The following SRMS variants were observed in gnomAD, a reference collection of about 807,000 sequenced individuals.
SRMS encodes the protein tyrosine-protein kinase Srms.
SRMS carries 42 observed loss-of-function variants against 43.5 expected under a neutral mutation model. That is an observed-to-expected ratio of 0.97 (90% CI 0.75 to 1.25). The LOEUF is 1.25. SRMS is among the 50% of genes most tolerant of loss of function. SRMS has a pLI of 0.00. For synonymous variants in SRMS, 316 were observed against 308.2 expected (o/e 1.03, Z -0.27); for missense variants, 703 against 681.0 (o/e 1.03, Z -0.36).
Position 63,538,751 on chromosome 20 carries a change from C to T in SRMS, c.*2067G>A, listed in dbSNP as rs537002884. 5.3e-5 allele frequency among the ~76,000 whole-genome samples: 8 copies of T among 151,928 alleles called. 1 individual carries two copies. In the South Asian group the frequency reaches 6.3e-4, roughly 12 times the overall value. On this transcript the variant is annotated 3_prime_UTR_variant, in exon 8 of 8. Coordinates refer to ENST00000217188, the MANE Select transcript of SRMS (RefSeq NM_080823.4). ...GGTGGGGAATGCGGAAGGAGGGTGC[C>T]GGGGCACCTGGCCGGGCAGCGTCCC... is the stretch of plus-strand genomic sequence containing the variant.
intron 2 of SRMS, among the ~76,000 whole-genome samples, chr20:63,543,902 GATGA>G (rs1166136789): frequency 2.0e-5 from 3 of 152,192 alleles, no homozygotes; most frequent in Non-Finnish European, 4.4e-5. Context: ...TGAATGAGTG[GATGA>G]ATGGATGAAT....
At chr20:63,542,801 C>A (rs2082712012) in intron 3 of SRMS, among the ~76,000 whole-genome samples, 1 of 152,180 alleles carries the variant, frequency 6.6e-6, no homozygotes. Context: ...TTTGCCCCAG[C>A]CGGATATCCG....
rs2082692967 is a variant in SRMS at position 63,539,844 on chromosome 20, C to T, written c.*974G>A. 6.6e-6 allele frequency among the ~76,000 whole-genome samples: 1 copy of T among 152,204 alleles called. No homozygotes were observed. The highest frequency in any genetic ancestry group is 2.1e-4 in the South Asian group (1 of 4,832). On this transcript the variant is annotated 3_prime_UTR_variant, in exon 8 of 8. Coordinates refer to ENST00000217188, the MANE Select transcript of SRMS (RefSeq NM_080823.4). ...CAGAAGACTCCAAATCCCCCACGGC[C>T]CACCCTGAGGCCCCTGGAAATAGCC...
chr20:63,542,675 CT>C (rs2082711650), intron 3 of SRMS, 94 bp from the exon 4 acceptor site: 4 of 1,419,484 alleles, frequency 2.8e-6, no homozygotes, highest in Non-Finnish European at 3.7e-6. Context: ...GCGGGCACCC[CT>C]GTCCCCAGCA....
intron 1 of SRMS, among the ~76,000 whole-genome samples, chr20:63,545,810 A>T (rs759610850): frequency 1.8e-4 from 27 of 151,944 alleles, no homozygotes; most frequent in Admixed American, 2.0e-4. Flanking sequence ...TGGCAGGGAG[A>T]CGCAACCCTC....
In SRMS at chr20:63,542,323, T is replaced by C. The variant is rs1171577994; in HGVS notation, c.788-2A>G. On this transcript the variant is annotated splice_acceptor_variant, in intron 4 of 7. Coordinates refer to ENST00000217188, the MANE Select transcript of SRMS (RefSeq NM_080823.4). LOFTEE classifies it high-confidence loss of function. ...CGAGGTCAGTGAGCTTCATGTTGGC[T>C]GCGAGAGAGGGTGTGGCTCCAGGAC... is the stretch of plus-strand genomic sequence containing the variant. 1.2e-6 allele frequency: 2 copies of C among 1,606,980 alleles called. No homozygotes were observed. The highest frequency in any genetic ancestry group is 2.2e-5 in the South Asian group (2 of 90,874).
rs2082699636 is a variant in SRMS at position 63,540,899 on chromosome 20, G to A, written c.1386C>T (p.Cys462=). 1.2e-6 allele frequency: 2 copies of A among 1,606,110 alleles called. No homozygotes were observed. Among genetic ancestry groups the A allele is most frequent in the South Asian group, 1.1e-5 (1 of 91,008 alleles). The change falls in exon 8 of 8, where the codon TGC becomes TGT. Residue 462 remains cysteine (C), a synonymous_variant. Coordinates refer to ENST00000217188, the MANE Select transcript of SRMS (RefSeq NM_080823.4). ...GCCGTTCCTCGGGGCTGCTCCTCCA[G>A]CACTCCAGCATGAGCACGTAGACCT... ...PAEVYVLMLE[C]WRSSPEERPS... is the part of the protein sequence containing the mutation.
At position 63,539,663 on chromosome 20, in the gene SRMS, TG is replaced by T. The variant is rs1210809146; in HGVS notation, c.*1154del. ...AGCAGAAGCTTCCCTGAGCCAGACG[TG>T]GGGAGACGAGGGCGGACCCTGCACA... On this transcript the variant is annotated 3_prime_UTR_variant, in exon 8 of 8. Transcript: ENST00000217188. Among the ~76,000 whole-genome samples the T allele has an allele frequency of 5.9e-5, 9 of 152,124 alleles. No homozygotes were observed. The highest frequency in any genetic ancestry group is 1.5e-5 in the Non-Finnish European group (1 of 68,020).
chr20:63,540,713 C>G lies in SRMS; in HGVS notation c.*105G>C. On this transcript the variant is annotated 3_prime_UTR_variant, in exon 8 of 8. Coordinates refer to ENST00000217188, the MANE Select transcript of SRMS (RefSeq NM_080823.4). ...GCACGCCAGGGCCTGAGGCCCACAGCCAGAGGCTCCTCGGTCCGGCAGACC... is the reference window on the plus strand; with the variant it reads ...GCACGCCAGGGCCTGAGGCCCACAGGCAGAGGCTCCTCGGTCCGGCAGACC... 7.0e-7 allele frequency: 1 copy of G among 1,426,862 alleles called. No individual in the cohort carries two copies. The highest frequency in any genetic ancestry group is 9.4e-7 in the Non-Finnish European group (1 of 1,068,882). 88.4% of individuals were successfully genotyped at this position (1,426,862 alleles called of 1,614,324 possible). A position where few individuals can be genotyped will look rare whatever the true frequency, so the allele number is the denominator to read the frequency against.
Position 63,541,331 on chromosome 20 carries a change from G to C in SRMS, c.1145C>G (p.Pro382Arg). The change falls in exon 7 of 8, where the codon CCG (proline) becomes CGG (arginine). Residue 382 changes from proline to arginine, a missense_variant. Transcript: ENST00000217188. ...ARLLKDDIYS[P>R]SSSSKIPVKW... is the part of the protein sequence containing the mutation. ...GACCGGGATCTTGGAGCTGCTGCTC[G>C]GGGAGTAGATGTCGTCCTGGGGGCG... is the stretch of plus-strand genomic sequence containing the variant. The C allele has an allele frequency of 6.5e-7, 1 of 1,542,054 alleles. No homozygotes were observed. The highest frequency in any genetic ancestry group is 8.7e-7 in the Non-Finnish European group (1 of 1,146,506).
intron 7 of SRMS, 26 bp from the exon 8 acceptor site, chr20:63,541,025 C>G: frequency 6.2e-7 from 1 of 1,607,116 alleles, no homozygotes; most frequent in Non-Finnish European, 8.5e-7. Flanking sequence ...CAAGAGCTGC[C>G]TCGATTCTGC....
At chr20:63,541,759 A>G (rs2082705264) in intron 5 of SRMS, 139 bp from the exon 6 acceptor site, 7 of 1,128,446 alleles carry the variant, frequency 6.2e-6, no homozygotes, top group African/African-American at 1.6e-5. Context: ...GGCTAAGGCC[A>G]CGGGAAGCCC....
rs781202463 is a variant in SRMS at position 63,542,581 on chromosome 20, T to C, written c.646A>G (p.Lys216Glu). The C allele has an allele frequency of 5.6e-6, 9 of 1,597,614 alleles. No homozygotes were observed. Among genetic ancestry groups the C allele is most frequent in the Admixed American group, 1.7e-5 (1 of 59,596 alleles). Residue 216 changes from lysine to glutamate, a missense_variant and splice_region_variant, in exon 4 of 8, where the codon AAG (lysine) becomes GAG (glutamate). Lys to Glu is a moderately conservative substitution (Grantham distance 56). Transcript: ENST00000217188. ...TCCCACACGTCCTGCCTCGGGGCCT[T>C]CTGCAGGGAGGGTGGGCAGGGAGGC... ...NPLLQPCMPQ[K>E]APRQDVWERP... is the part of the protein sequence containing the mutation.
In SRMS at chr20:63,540,853, C is replaced by T; in HGVS notation, c.1432G>A (p.Glu478Lys). The part of the protein sequence containing the change: ...EERPSFATLR[E>K]KLHAIHRCHP ...CATCTGTGGATGGCGTGCAGCTTCT[C>T]CCGCAGCGTGGCGAAGGAGGGCCGT... is the stretch of plus-strand genomic sequence containing the variant. The change falls in exon 8 of 8, where the codon GAG becomes AAG. Residue 478 changes from glutamate to lysine, a missense_variant. Physicochemically the swap from Glu to Lys is moderately conservative, Grantham distance 56. Transcript: ENST00000217188. The T allele has an allele frequency of 8.7e-6, 14 of 1,605,500 alleles. 1 individual carries two copies. The highest frequency in any genetic ancestry group is 4.4e-5 in the South Asian group (4 of 91,008).
At chr20:63,546,875 C>A (rs12624390) in intron 1 of SRMS, among the ~76,000 whole-genome samples, 1 of 152,250 alleles carries the variant, frequency 6.6e-6, no homozygotes, top group African/African-American at 2.4e-5. Context: ...CAGGACCTGA[C>A]CACGCCTGCC....
Position 63,541,292 on chromosome 20 carries a change from G to T in SRMS, c.1184C>A (p.Pro395His). Reference protein sequence around the residue: ...SSKIPVKWTAPEAANYRVFSQ... With the variant: ...SSKIPVKWTAHEAANYRVFSQ... ...GAAGACACGATAATTGGCCGCCTCA[G>T]GCGCTGTCCACTTGACCGGGATCTT... Residue 395 changes from proline to histidine, a missense_variant, in exon 7 of 8, where the codon CCT (proline) becomes CAT (histidine). By Grantham distance (77) the Pro-to-His change is moderately conservative. Transcript: ENST00000217188. 5 of 1,561,336 alleles carry T rather than the reference G, an allele frequency of 3.2e-6. No homozygotes were observed. The highest frequency in any genetic ancestry group is 2.6e-6 in the Non-Finnish European group (3 of 1,157,508).
rs373517222 is a variant in SRMS, at chr20:63,544,359, C to T, written c.357-11G>A. On this transcript the variant is annotated splice_polypyrimidine_tract_variant and intron_variant, in intron 1 of 7. Transcript: ENST00000217188. ...CCGCTAAAGTACCAGCTGCAAACAG[C>T]AGGTGCGGCAGTCACCTTGCAGGCC... The T allele has an allele frequency of 6.2e-6, 9 of 1,460,204 alleles. No homozygotes were observed. The African/African-American group carries it at 1.0e-4, about 17-fold the overall frequency. The allele number at this position is 1,460,204 out of a possible 1,614,324, so 90.5% of individuals were successfully genotyped here. A position where few individuals can be genotyped will look rare whatever the true frequency, so the allele number is the denominator to read the frequency against.
chr20:63,546,676 C>G (rs570914904), intron 1 of SRMS, among the ~76,000 whole-genome samples: 55 of 152,190 alleles, frequency 3.6e-4, no homozygotes, highest in African/African-American at 1.3e-3. Flanking sequence ...GCTCACCTGC[C>G]GTCACCCAGA....
Position 63,540,592 on chromosome 20 carries a change from G to C in SRMS, c.*226C>G, listed in dbSNP as rs1056174620. On this transcript the variant is annotated 3_prime_UTR_variant, in exon 8 of 8. Coordinates refer to ENST00000217188, the MANE Select transcript of SRMS (RefSeq NM_080823.4). ...GCACGAGTCACACTGCATGGGGGAC[G>C]TCAGCCCCAGCCCTCCGTCTGCACG... Among the ~76,000 whole-genome samples the C allele has an allele frequency of 2.0e-5, 3 of 152,146 alleles. No individual in the cohort carries two copies. Among genetic ancestry groups the C allele is most frequent in the Non-Finnish European group, 4.4e-5 (3 of 67,996 alleles).
Sources: gnomAD v4.1 joint callset for allele counts (sites outside exome capture counted in the v4.1 genomes callset) on GRCh38, gnomAD v4.1.1 for gene constraint, MANE v1.5 for transcripts, NCBI Gene and HGNC (gene_info 2026-07-23, HGNC 2026-07-21) for gene names.